The following ARFGAP3 variants were observed in gnomAD, a reference collection of about 807,000 sequenced individuals.
ARFGAP3 encodes ARF GTPase activating protein 3.
ARFGAP3 carries 72 observed loss-of-function variants against 75.0 expected under a neutral mutation model. That is an observed-to-expected ratio of 0.96 (90% CI 0.79 to 1.17). The LOEUF is 1.17. Among genes scored for constraint, ARFGAP3 ranks in the 50% most tolerant of loss-of-function variants. The pLI, the probability that ARFGAP3 is intolerant of heterozygous loss-of-function variation, is 0.00. For synonymous variants in ARFGAP3, 221 were observed against 217.9 expected, an observed-to-expected ratio of 1.01 and a Z score of -0.13; for missense variants, 620 against 626.6, an observed-to-expected ratio of 0.99 and a Z score of 0.11.
At chr22:42,829,586 A>C (rs532366159) in intron 6 of ARFGAP3, among the ~76,000 whole-genome samples, 5 of 152,376 alleles carry the variant, frequency 3.3e-5, no homozygotes, top group East Asian at 1.9e-4. Flanking sequence ...TCCACAAAAC[A>C]ACCACATCAG....
At position 42,852,711 on chromosome 22, in the gene ARFGAP3, T is replaced by C. The variant is rs574171840; in HGVS notation, c.69+4403A>G. Among the ~76,000 whole-genome samples, 11 of 152,302 alleles carry C rather than the reference T, an allele frequency of 7.2e-5. 1 individual carries two copies. In the South Asian group the frequency reaches 2.3e-3, roughly 32 times the overall value. ...GGGCCCTGCATTTTCATTTTGTACA[T>C]TTCACAAATTATGTAGCTAGTCTTG... On this transcript the variant is annotated intron_variant, in intron 1 of 15. Coordinates refer to ENST00000263245, the MANE Select transcript of ARFGAP3 (RefSeq NM_014570.5).
intron 12 of ARFGAP3, 83 bp from the exon 13 acceptor site, chr22:42,808,973 G>T: frequency 7.5e-7 from 1 of 1,337,572 alleles, no homozygotes; most frequent in Non-Finnish European, 9.7e-7. Flanking sequence ...TTTTTAAAAT[G>T]CCAACAGCAG....
At chr22:42,853,426 C>G (rs1282430774) in intron 1 of ARFGAP3, 2 of 220,564 alleles carry the variant, frequency 9.1e-6, no homozygotes, top group Non-Finnish European at 1.9e-5. Flanking sequence ...ATTCTCCCCA[C>G]TGAGCTTGAA....
At chr22:42,848,915 A>G (rs923923217) in intron 1 of ARFGAP3, among the ~76,000 whole-genome samples, 1 of 152,178 alleles carries the variant, frequency 6.6e-6, no homozygotes, top group African/African-American at 2.4e-5. Flanking sequence ...AAATGACACT[A>G]TGGCCTTTTC....
At position 42,817,989 on chromosome 22, in the gene ARFGAP3, G is replaced by A. The variant is rs112387962; in HGVS notation, c.813-132C>T. 30 of 1,227,974 alleles carry A rather than the reference G, an allele frequency of 2.4e-5. No individual in the cohort carries two copies. The African/African-American group carries it at 3.1e-4, about 13-fold the overall frequency. The allele number at this position is 1,227,974 out of a possible 1,614,324, so 76.1% of individuals were successfully genotyped here. A position where few individuals can be genotyped will look rare whatever the true frequency, so the allele number is the denominator to read the frequency against. ...CTTTCCATAATTAACAATTATGAAG[G>A]CAAGTTGGTGTTTTTTCTACCTGCC... On this transcript the variant is annotated intron_variant, in intron 9 of 15. Transcript: ENST00000263245.
At chr22:42,849,436 A>G (rs1927169304) in intron 1 of ARFGAP3, among the ~76,000 whole-genome samples, 1 of 151,896 alleles carries the variant, frequency 6.6e-6, no homozygotes, top group South Asian at 2.1e-4. Context: ...GAGCTCTTAC[A>G]GGGGTAGAAT....
chr22:42,814,018 A>G (rs1925478448), intron 11 of ARFGAP3, among the ~76,000 whole-genome samples: 1 of 152,190 alleles, frequency 6.6e-6, no homozygotes, highest in Non-Finnish European at 1.5e-5. Context: ...TCTGATTTAG[A>G]GCTATAGACA....
At chr22:42,852,452 T>C (rs1270812784) in intron 1 of ARFGAP3, among the ~76,000 whole-genome samples, 2 of 151,928 alleles carry the variant, frequency 1.3e-5, no homozygotes, top group South Asian at 2.1e-4. Flanking sequence ...CTCCGCCTCC[T>C]GGGTTCAAGC....
At chr22:42,813,261 C>G (rs1044839491) in intron 11 of ARFGAP3, among the ~76,000 whole-genome samples, 2 of 152,128 alleles carry the variant, frequency 1.3e-5, no homozygotes, top group Non-Finnish European at 2.9e-5. Context: ...GCAGAAGCCT[C>G]AGAAGCTGCA....
At chr22:42,840,269 G>C (rs1352898307) in intron 3 of ARFGAP3, among the ~76,000 whole-genome samples, 2 of 152,030 alleles carry the variant, frequency 1.3e-5, no homozygotes, top group African/African-American at 2.4e-5. Context: ...TATATCCCCA[G>C]CAGCTAGCCA....
At chr22:42,849,823 A>G (rs1357643955) in intron 1 of ARFGAP3, among the ~76,000 whole-genome samples, 1 of 151,890 alleles carries the variant, frequency 6.6e-6, no homozygotes, top group Non-Finnish European at 1.5e-5. Flanking sequence ...CGGCCTCCCA[A>G]AATGCTAGGA....
At chr22:42,811,431 T>C (rs923961844) in intron 11 of ARFGAP3, among the ~76,000 whole-genome samples, 1 of 152,246 alleles carries the variant, frequency 6.6e-6, no homozygotes, top group African/African-American at 2.4e-5. Context: ...TCACTGTCTT[T>C]AGGTCTCATT....
intron 9 of ARFGAP3, 98 bp downstream of exon 9, chr22:42,822,172 C>G: frequency 1.1e-4 from 80 of 743,560 alleles, no homozygotes; most frequent in East Asian, 2.6e-4. Context: ...ACCCTCCCTT[C>G]CCCCCCCACA....
At chr22:42,817,011 C>T (rs1925604412) in intron 11 of ARFGAP3, 131 bp downstream of exon 11, 2 of 671,030 alleles carry the variant, frequency 3.0e-6, no homozygotes, top group Non-Finnish European at 5.0e-6. Flanking sequence ...ACAGCTCTGG[C>T]TCCAGCCAGA....
intron 9 of ARFGAP3, among the ~76,000 whole-genome samples, chr22:42,821,633 G>A (rs1263559461): frequency 2.0e-5 from 3 of 152,200 alleles, no homozygotes; most frequent in African/African-American, 7.2e-5. Flanking sequence ...TCAGTTGGTA[G>A]ACATTTAGCT....
At chr22:42,804,570 T>C (rs1925034465) in intron 14 of ARFGAP3, among the ~76,000 whole-genome samples, 1 of 151,914 alleles carries the variant, frequency 6.6e-6, no homozygotes, top group African/African-American at 2.4e-5. Context: ...TTAGTAGAGA[T>C]GGGGCTTCAC....
intron 14 of ARFGAP3, among the ~76,000 whole-genome samples, chr22:42,802,847 G>A (rs1349028469): frequency 6.6e-6 from 1 of 151,598 alleles, no homozygotes; most frequent in Non-Finnish European, 1.5e-5. Flanking sequence ...TGATCTGCCC[G>A]CCTCGGCCTC....
At chr22:42,854,924 G>C (rs769030750) in intron 1 of ARFGAP3, among the ~76,000 whole-genome samples, 16 of 151,676 alleles carry the variant, frequency 1.1e-4, no homozygotes, top group Middle Eastern at 3.4e-3. Flanking sequence ...AAACATTTTT[G>C]CTCATTGCTT....
intron 2 of ARFGAP3, among the ~76,000 whole-genome samples, chr22:42,842,304 C>T (rs1926819631): frequency 8.3e-6 from 1 of 120,372 alleles, no homozygotes; most frequent in African/African-American, 3.4e-5. Context: ...CGTGCCTGGC[C>T]TTTTTTTTTT....
Sources: allele counts gnomAD v4.1 joint callset (sites outside exome capture counted in the v4.1 genomes callset), GRCh38; gene constraint gnomAD v4.1.1; transcripts MANE v1.5; gene names NCBI Gene and HGNC (gene_info 2026-07-23, HGNC 2026-07-21).